NRXN1: variants seen among roughly 807,000 people sequenced by gnomAD.
The protein encoded by NRXN1 is neurexin-1.
NRXN1 carries 39 observed loss-of-function variants against 150.9 expected under a neutral mutation model. The ratio of observed to expected loss-of-function variants is 0.26; its 90% confidence interval spans 0.20 to 0.34. The LOEUF (loss-of-function observed/expected upper bound fraction) is 0.34, where lower values mean the gene tolerates loss of function less well. NRXN1 is among the 10% of genes least tolerant of loss of function. The pLI is 1.00. For synonymous variants in NRXN1, 924 were observed against 757.0 expected, an observed-to-expected ratio of 1.22 and a Z score of -3.62; for missense variants, 1,815 against 1,949.9, an observed-to-expected ratio of 0.93 and a Z score of 1.30.
At chr2:50,144,666 G>C (rs1707755839) in intron 18 of NRXN1, among the ~76,000 whole-genome samples, 1 of 151,842 alleles carries the variant, frequency 6.6e-6, no homozygotes, top group Non-Finnish European at 1.5e-5. Context: ...ATATGCATAT[G>C]TAAATCAATC....
intron 5 of NRXN1, among the ~76,000 whole-genome samples, chr2:50,735,223 A>ATT (rs146871457): frequency 1.3e-5 from 2 of 151,538 alleles, no homozygotes; most frequent in African/African-American, 4.8e-5. Flanking sequence ...TACCTTTATA[A>ATT]TTTTTTTTTA....
At chr2:50,663,195 T>C (rs535640058) in intron 5 of NRXN1, among the ~76,000 whole-genome samples, 6 of 152,062 alleles carry the variant, frequency 3.9e-5, no homozygotes, top group Admixed American at 3.9e-4. Flanking sequence ...TGAAACACCA[T>C]CCACATACTA....
chr2:50,342,961 G>A (rs2077660469), intron 17 of NRXN1, among the ~76,000 whole-genome samples: 1 of 152,136 alleles, frequency 6.6e-6, no homozygotes, highest in Admixed American at 6.5e-5. Flanking sequence ...TTAGAAGTTT[G>A]GTATGTGTAC....
rs565730081 is a variant in NRXN1 at position 50,089,946 on chromosome 2, A to G, written c.3718+1377T>C. On this transcript the variant is annotated intron_variant, in intron 19 of 22. Transcript: ENST00000401669. ...TTCAAATCTTCCATTACTTCACCTT[A>G]TTGTATATGGTTCACATAATTGTAG... Among the ~76,000 whole-genome samples, 6 of 152,282 alleles carry G rather than the reference A, an allele frequency of 3.9e-5. No individual in the cohort carries two copies. In the South Asian group the frequency reaches 1.2e-3, roughly 32 times the overall value.
chr2:50,265,828 T>C (rs2068769929), intron 17 of NRXN1, among the ~76,000 whole-genome samples: 1 of 152,100 alleles, frequency 6.6e-6, no homozygotes, highest in Non-Finnish European at 1.5e-5. Flanking sequence ...CATTCCACAT[T>C]TAGAAATAAT....
chr2:50,622,194 G>C (rs547871656), intron 6 of NRXN1, among the ~76,000 whole-genome samples: 1 of 152,098 alleles, frequency 6.6e-6, no homozygotes, highest in South Asian at 2.1e-4. Flanking sequence ...GAAGGTCTGG[G>C]GTTCTCAAGA....
chr2:51,022,353 T>C (rs1669742971), intron 2 of NRXN1, among the ~76,000 whole-genome samples: 1 of 152,126 alleles, frequency 6.6e-6, no homozygotes, highest in Admixed American at 6.5e-5. Context: ...AAGTTTGAGT[T>C]TGCCACTTGA....
chr2:51,016,960 T>C (rs977063251), intron 2 of NRXN1, among the ~76,000 whole-genome samples: 2 of 152,022 alleles, frequency 1.3e-5, no homozygotes, highest in Non-Finnish European at 2.9e-5. Context: ...TGCAGGGACA[T>C]GGATGAAGCT....
chr2:50,361,658 T>C (rs989691469), intron 17 of NRXN1, among the ~76,000 whole-genome samples: 2 of 152,168 alleles, frequency 1.3e-5, no homozygotes, highest in Non-Finnish European at 2.9e-5. Context: ...ACAGCCTAAT[T>C]CTACCAGAGG....
chr2:50,152,482 G>A (rs2058753350), intron 18 of NRXN1, among the ~76,000 whole-genome samples: 1 of 151,622 alleles, frequency 6.6e-6, no homozygotes, highest in African/African-American at 2.4e-5. Context: ...CTGAAATAAG[G>A]CATAGTAACA....
At chr2:50,262,340 C>T (rs1237909808) in intron 17 of NRXN1, among the ~76,000 whole-genome samples, 1 of 151,704 alleles carries the variant, frequency 6.6e-6, no homozygotes, top group Non-Finnish European at 1.5e-5. Context: ...AAATCATATA[C>T]CCTACATGGC....
intron 17 of NRXN1, among the ~76,000 whole-genome samples, chr2:50,421,493 C>T (rs1312328113): frequency 6.6e-6 from 1 of 152,082 alleles, no homozygotes. Flanking sequence ...TGTATAGTTA[C>T]CATTCTATTA....
chr2:50,140,866 G>C (rs1010198352), intron 18 of NRXN1, among the ~76,000 whole-genome samples: 7 of 151,784 alleles, frequency 4.6e-5, no homozygotes, highest in African/African-American at 1.7e-4. Context: ...GAAAGATATA[G>C]AATATTATGT....
chr2:50,219,914 ATC>A (rs1166520134), intron 18 of NRXN1, among the ~76,000 whole-genome samples: 16 of 39,250 alleles, frequency 4.1e-4, no homozygotes, highest in Admixed American at 1.2e-3. Flanking sequence ...TATATATAAA[ATC>A]TCTCTCTATA....
chr2:50,880,001 C>A (rs1293649871), intron 5 of NRXN1, among the ~76,000 whole-genome samples: 3 of 151,866 alleles, frequency 2.0e-5, no homozygotes, highest in Non-Finnish European at 4.4e-5. Flanking sequence ...GCCTCTTTTC[C>A]CAGTACTCTA....
chr2:50,397,834 A>G (rs1454888016), intron 17 of NRXN1, among the ~76,000 whole-genome samples: 1 of 152,224 alleles, frequency 6.6e-6, no homozygotes, highest in Non-Finnish European at 1.5e-5. Flanking sequence ...CTTTATAGTA[A>G]CAGAATTATT....
At chr2:50,403,899 C>T (rs1351420297) in intron 17 of NRXN1, among the ~76,000 whole-genome samples, 1 of 152,066 alleles carries the variant, frequency 6.6e-6, no homozygotes, top group African/African-American at 2.4e-5. Context: ...TTTACCCAAT[C>T]TTTTGTCAGT....
At chr2:50,277,048 G>C (rs937186967) in intron 17 of NRXN1, among the ~76,000 whole-genome samples, 15 of 152,104 alleles carry the variant, frequency 9.9e-5, no homozygotes, top group Non-Finnish European at 1.6e-4. Context: ...AATTAACACA[G>C]TTAGCTACAC....
intron 5 of NRXN1, among the ~76,000 whole-genome samples, chr2:50,763,351 T>C (rs1702031562): frequency 2.0e-5 from 3 of 151,990 alleles, no homozygotes; most frequent in African/African-American, 4.8e-5. Context: ...TTAATTTATC[T>C]TGGCCTCAAT....
Sources: gnomAD v4.1 joint callset for allele counts (sites outside exome capture counted in the v4.1 genomes callset) on GRCh38, gnomAD v4.1.1 for gene constraint, MANE v1.5 for transcripts, NCBI Gene and HGNC (gene_info 2026-07-23, HGNC 2026-07-21) for gene names.